The following COL25A1 variants were observed in gnomAD, a reference collection of about 807,000 sequenced individuals.
The protein encoded by COL25A1 is collagen alpha-1(XXV) chain.
A neutral mutation model predicts 128.4 loss-of-function variants in COL25A1; 103 were observed. That is an observed-to-expected ratio of 0.80 (90% CI 0.68 to 0.94). The LOEUF (loss-of-function observed/expected upper bound fraction) is 0.94. COL25A1 is among the 40% of genes least tolerant of loss of function. The pLI, the probability that COL25A1 is intolerant of heterozygous loss-of-function variation, is 0.00. For synonymous variants in COL25A1, 279 were observed against 277.2 expected, an observed-to-expected ratio of 1.01 and a Z score of -0.06; for missense variants, 745 against 840.0, an observed-to-expected ratio of 0.89 and a Z score of 1.40.
intron 11 of COL25A1, among the ~76,000 whole-genome samples, chr4:108,936,846 G>A (rs931795275): frequency 1.8e-4 from 26 of 148,534 alleles, no homozygotes; most frequent in African/African-American, 5.9e-4. Context: ...GTCTCACCGT[G>A]TTACCCAGGC....
At chr4:108,916,347 A>G (rs1268582030) in intron 13 of COL25A1, among the ~76,000 whole-genome samples, 2 of 152,196 alleles carry the variant, frequency 1.3e-5, no homozygotes, top group African/African-American at 4.8e-5. Flanking sequence ...TATAATTTAA[A>G]CTTGGTGACT....
intron 3 of COL25A1, among the ~76,000 whole-genome samples, chr4:109,140,959 T>C (rs1770342015): frequency 6.6e-6 from 1 of 152,190 alleles, no homozygotes; most frequent in South Asian, 2.1e-4. Context: ...GGCCAGTACT[T>C]CCAATACTAT....
At chr4:109,232,690 A>T (rs755062336) in intron 3 of COL25A1, among the ~76,000 whole-genome samples, 6 of 152,150 alleles carry the variant, frequency 3.9e-5, no homozygotes, top group Non-Finnish European at 5.9e-5. Flanking sequence ...GTGACAAATC[A>T]TGTAATTTGG....
chr4:109,208,885 A>G (rs1777259004), intron 3 of COL25A1, among the ~76,000 whole-genome samples: 1 of 152,238 alleles, frequency 6.6e-6, no homozygotes, highest in South Asian at 2.1e-4. Context: ...ACTCAGAAAC[A>G]TAAACCAGAC....
intron 3 of COL25A1, among the ~76,000 whole-genome samples, chr4:109,120,607 G>C (rs1430309849): frequency 6.6e-6 from 1 of 151,968 alleles, no homozygotes; most frequent in Non-Finnish European, 1.5e-5. Context: ...CCAGGAGTTT[G>C]AGACCAGCCT....
At chr4:109,251,167 A>G (rs1373286718) in intron 3 of COL25A1, among the ~76,000 whole-genome samples, 1 of 152,060 alleles carries the variant, frequency 6.6e-6, no homozygotes, top group Non-Finnish European at 1.5e-5. Context: ...ACACACATAC[A>G]CACACAAACA....
intron 16 of COL25A1, among the ~76,000 whole-genome samples, chr4:108,890,356 G>A (rs1412881770): frequency 6.6e-6 from 1 of 152,182 alleles, no homozygotes; most frequent in Non-Finnish European, 1.5e-5. Flanking sequence ...GAAGTTACAG[G>A]ATGATGGATG....
At chr4:109,134,160 G>T (rs1769481951) in intron 3 of COL25A1, among the ~76,000 whole-genome samples, 1 of 150,856 alleles carries the variant, frequency 6.6e-6, no homozygotes, top group African/African-American at 2.4e-5. Flanking sequence ...GAAAGGCAGA[G>T]TTAGAAAGGA....
intron 3 of COL25A1, among the ~76,000 whole-genome samples, chr4:109,224,681 T>C (rs1778665089): frequency 6.6e-6 from 1 of 152,186 alleles, no homozygotes; most frequent in South Asian, 2.1e-4. Flanking sequence ...GGCTCACACC[T>C]GTAATCTCAG....
intron 3 of COL25A1, among the ~76,000 whole-genome samples, chr4:109,173,255 T>A (rs918509528): frequency 1.5e-4 from 22 of 147,174 alleles, no homozygotes; most frequent in Admixed American, 6.8e-4. Flanking sequence ...CCAGCTAATT[T>A]AAAAAAAAAA....
intron 3 of COL25A1, among the ~76,000 whole-genome samples, chr4:109,266,465 T>A (rs1419879607): frequency 1.3e-5 from 2 of 152,140 alleles, no homozygotes; most frequent in Non-Finnish European, 2.9e-5. Flanking sequence ...AACAGAATGT[T>A]CTAAAGGCTC....
chr4:108,863,310 ATAACTCACCTTTGGTCC>A lies in COL25A1; in HGVS notation c.1144_1152+8del. The A allele has an allele frequency of 1.2e-6, 2 of 1,613,118 alleles. No individual in the cohort carries two copies. Among genetic ancestry groups the A allele is most frequent in the Non-Finnish European group, 8.5e-7 (1 of 1,179,244 alleles). ...AGAATGGTTATTTTCCAGTTTAAGA[ATAACTCACCTTTGGTCC>A]GGGGGCTCCAGGTTCCCCTCGCTCA... On this transcript the variant is annotated splice_donor_variant and splice_donor_5th_base_variant and coding_sequence_variant and intron_variant, in exon 21 of 38. Coordinates refer to ENST00000399132, the MANE Select transcript of COL25A1 (RefSeq NM_198721.4). LOFTEE classifies it high-confidence loss of function.
chr4:108,859,458 T>C (rs1278911751), intron 24 of COL25A1, among the ~76,000 whole-genome samples, 198 bp downstream of exon 24: 1 of 152,098 alleles, frequency 6.6e-6, no homozygotes, highest in Non-Finnish European at 1.5e-5. Flanking sequence ...AAAGAAATGA[T>C]TGAAAAATGC....
intron 3 of COL25A1, among the ~76,000 whole-genome samples, chr4:109,078,053 C>T (rs569693796): frequency 6.6e-6 from 1 of 152,286 alleles, no homozygotes; most frequent in Admixed American, 6.5e-5. Context: ...CACCCATTAT[C>T]CGGGTCTGTC....
chr4:109,046,810 C>T (rs1467934414), intron 5 of COL25A1, among the ~76,000 whole-genome samples: 3 of 152,146 alleles, frequency 2.0e-5, no homozygotes, highest in African/African-American at 4.8e-5. Flanking sequence ...AAGTTGCCAA[C>T]GTGGAGTCTG....
intron 8 of COL25A1, among the ~76,000 whole-genome samples, chr4:108,954,964 G>C (rs750515664): frequency 2.0e-5 from 3 of 150,484 alleles, no homozygotes; most frequent in Non-Finnish European, 4.4e-5. Context: ...TTTAAAATGG[G>C]TCTTCGATTT....
intron 4 of COL25A1, 133 bp from the exon 5 acceptor site, chr4:109,048,308 C>A: frequency 1.3e-6 from 1 of 781,182 alleles, no homozygotes; most frequent in Non-Finnish European, 2.0e-6. Flanking sequence ...TTTAAATTCA[C>A]TGATTCTTAA....
rs376161599 is a variant in COL25A1 at position 109,051,616 on chromosome 4, T to C, written c.368-1437A>G. Among the ~76,000 whole-genome samples the C allele has an allele frequency of 2.2e-4, 25 of 112,422 alleles. 1 individual carries two copies. Among genetic ancestry groups the C allele is most frequent in the South Asian group, 6.0e-4 (2 of 3,350 alleles). The allele number at this position is 112,422 out of a possible 152,430, so 73.8% of individuals were successfully genotyped here. A position where few individuals can be genotyped will look rare whatever the true frequency, so the allele number is the denominator to read the frequency against. Reference sequence around the variant, plus strand: ...GTTAATACATCTGTTCAAACACACATACATACACACACACACACACACACA... The same window carrying C: ...GTTAATACATCTGTTCAAACACACACACATACACACACACACACACACACA... On this transcript the variant is annotated intron_variant, in intron 3 of 37. Transcript: ENST00000399132.
At chr4:109,256,412 C>T (rs1324293202) in intron 3 of COL25A1, among the ~76,000 whole-genome samples, 1 of 151,984 alleles carries the variant, frequency 6.6e-6, no homozygotes, top group Non-Finnish European at 1.5e-5. Flanking sequence ...GCACAGGGTA[C>T]CAACATGGTA....
Sources: gnomAD v4.1 joint callset for allele counts (sites outside exome capture counted in the v4.1 genomes callset) on GRCh38, gnomAD v4.1.1 for gene constraint, MANE v1.5 for transcripts, NCBI Gene and HGNC (gene_info 2026-07-23, HGNC 2026-07-21) for gene names.